TENM1: variants seen among roughly 807,000 people sequenced by gnomAD.
TENM1 encodes teneurin-1.
A neutral mutation model predicts 174.8 loss-of-function variants in TENM1; 35 were observed. The observed-to-expected ratio is 0.20, with a 90% CI of 0.15 to 0.27. TENM1 has a LOEUF of 0.27. Ranked by LOEUF, TENM1 falls within the 10% of genes least tolerant of loss-of-function variation. The pLI is 1.00. For synonymous variants in TENM1, 781 were observed against 798.7 expected (o/e 0.98, Z 0.37); for missense variants, 1,633 against 2,130.1 (o/e 0.77, Z 4.59).
the TENM1 span, among the ~76,000 whole-genome samples, chrX:125,040,074 T>C: frequency 0.03 from 3,309 of 111,623 alleles, 135 homozygotes; most frequent in African/African-American, 0.1. Context: ...TTTTGAATGT[T>C]ATTAACATAT....
At chrX:124,445,513 T>A (rs1228035186) in intron 23 of TENM1, among the ~76,000 whole-genome samples, 1 of 112,127 alleles carries the variant, frequency 8.9e-6, no homozygotes, top group Non-Finnish European at 1.9e-5. Flanking sequence ...TGCACAACTA[T>A]GGATGATGCT....
chrX:124,992,743 C>G, the TENM1 span, among the ~76,000 whole-genome samples: 1 of 111,568 alleles, frequency 9.0e-6, no homozygotes, highest in African/African-American at 3.2e-5. Context: ...CTTCCCTGCT[C>G]TATTTCTATT....
Position 124,803,576 on chromosome X carries a change from C to T in TENM1, c.536-66379G>A, listed in dbSNP as rs188595753. ...AATGGCACCCTCTCATTTTATACAA[C>T]AGTACCTATAACAATACTTACCTAG... On this transcript the variant is annotated intron_variant, in intron 3 of 31. Coordinates refer to ENST00000422452, the Ensembl canonical transcript of TENM1. 7.1e-5 allele frequency among the ~76,000 whole-genome samples: 8 copies of T among 112,106 alleles called. No individual in the cohort carries two copies. In the East Asian group the frequency reaches 1.7e-3, roughly 23 times the overall value.
intron 11 of TENM1, among the ~76,000 whole-genome samples, chrX:124,566,220 A>T (rs2048938701): frequency 8.9e-6 from 1 of 112,365 alleles, no homozygotes; most frequent in African/African-American, 3.2e-5. Context: ...CAATGATGAC[A>T]ACCAGCTGGT....
the TENM1 span, among the ~76,000 whole-genome samples, chrX:124,999,243 T>C: frequency 5.4e-5 from 6 of 111,195 alleles, no homozygotes; most frequent in Non-Finnish European, 9.5e-5. Context: ...AATTAACAGG[T>C]TATACATTTT....
chrX:124,513,388 G>A (rs764368958), intron 18 of TENM1, among the ~76,000 whole-genome samples: 13 of 111,492 alleles, frequency 1.2e-4, no homozygotes, highest in African/African-American at 3.3e-4. Flanking sequence ...ATGACAAATT[G>A]AGCCTACCCA....
At chrX:124,656,981 T>A (rs1238987455) in intron 6 of TENM1, among the ~76,000 whole-genome samples, 1 of 110,287 alleles carries the variant, frequency 9.1e-6, no homozygotes, top group Non-Finnish European at 1.9e-5. Flanking sequence ...TTTCCAAAAA[T>A]TTCTGTATTA....
intron 21 of TENM1, among the ~76,000 whole-genome samples, chrX:124,486,112 C>A (rs1419911076): frequency 8.9e-6 from 1 of 111,794 alleles, no homozygotes; most frequent in African/African-American, 3.2e-5. Flanking sequence ...TTTCTACTTT[C>A]TGAAAACAAG....
chrX:124,735,737 A>AT (rs1178634921), intron 4 of TENM1, among the ~76,000 whole-genome samples: 2 of 112,068 alleles, frequency 1.8e-5, no homozygotes, highest in Non-Finnish European at 3.8e-5. Context: ...TATATACACC[A>AT]TAGAGTACCA....
At chrX:124,904,378 C>A (rs1473931727) in intron 1 of TENM1, among the ~76,000 whole-genome samples, 1 of 111,620 alleles carries the variant, frequency 9.0e-6, no homozygotes, top group African/African-American at 3.3e-5. Flanking sequence ...TAGACTACTT[C>A]TAGGCAAAGA....
chrX:124,755,182 T>G (rs1406082594), intron 3 of TENM1, among the ~76,000 whole-genome samples: 4 of 105,012 alleles, frequency 3.8e-5, no homozygotes, highest in Admixed American at 2.9e-4. Flanking sequence ...CTGTATTGGG[T>G]GCATATATAT....
the TENM1 span, among the ~76,000 whole-genome samples, chrX:125,010,845 G>A: frequency 8.4e-5 from 9 of 107,276 alleles, no homozygotes; most frequent in Non-Finnish European, 1.7e-4. Flanking sequence ...TAAATTACAT[G>A]TGGAACCGAA....
the TENM1 span, among the ~76,000 whole-genome samples, chrX:125,057,148 T>A: frequency 1.8e-5 from 2 of 111,933 alleles, no homozygotes; most frequent in African/African-American, 3.2e-5. Context: ...CATATATATA[T>A]CTTTTATGCA....
chrX:125,194,478 T>C, the TENM1 span, among the ~76,000 whole-genome samples: 1 of 111,472 alleles, frequency 9.0e-6, no homozygotes. Flanking sequence ...ATACTGGTGA[T>C]GTCTTTCTAA....
At chrX:125,055,255 T>C in the TENM1 span, among the ~76,000 whole-genome samples, 2 of 111,542 alleles carry the variant, frequency 1.8e-5, no homozygotes, top group Admixed American at 9.6e-5. Context: ...AAAACTGAAG[T>C]TCACAGAATT....
intron 27 of TENM1, among the ~76,000 whole-genome samples, chrX:124,392,670 A>G (rs1173540298): frequency 2.7e-5 from 3 of 112,260 alleles, no homozygotes; most frequent in African/African-American, 9.7e-5. Context: ...TATGTAAGTC[A>G]GTTGCCTACT....
chrX:124,886,544 T>TAGAGAGAGAG (rs1460561539), intron 3 of TENM1, among the ~76,000 whole-genome samples: 8 of 84,420 alleles, frequency 9.5e-5, no homozygotes, highest in South Asian at 5.8e-4. Flanking sequence ...TATATATATA[T>TAGAGAGAGAG]ATATAGAGAG....
intron 4 of TENM1, among the ~76,000 whole-genome samples, chrX:124,724,750 T>G (rs1373564964): frequency 8.9e-6 from 1 of 111,789 alleles, no homozygotes; most frequent in Non-Finnish European, 1.9e-5. Context: ...GGGTCATGAT[T>G]GTGCCACTGC....
chrX:124,604,305 C>T (rs1009486062), intron 11 of TENM1, among the ~76,000 whole-genome samples: 83 of 111,268 alleles, frequency 7.5e-4, no homozygotes, highest in African/African-American at 2.1e-3. Context: ...AAGCTAACAA[C>T]GACATAAAAG....
Sources: allele counts gnomAD v4.1 joint callset (sites outside exome capture counted in the v4.1 genomes callset), GRCh38; gene constraint gnomAD v4.1.1; transcripts MANE v1.5; gene names NCBI Gene and HGNC (gene_info 2026-07-23, HGNC 2026-07-21).